The following ARB2A variants were observed in gnomAD, a reference collection of about 807,000 sequenced individuals.
ARB2A encodes the protein cotranscriptional regulator ARB2A.
the ARB2A span, among the ~76,000 whole-genome samples, chr5:93,993,475 G>T: frequency 6.6e-6 from 1 of 152,018 alleles, no homozygotes; most frequent in Non-Finnish European, 1.5e-5. Flanking sequence ...ACACATTTTT[G>T]TTGTTATTCT....
chr5:93,683,744 A>C, the ARB2A span: 3 of 1,602,466 alleles, frequency 1.9e-6, no homozygotes, highest in African/African-American at 1.3e-5. Flanking sequence ...CTTAGGTAGG[A>C]GAGAAGGCGG....
At chr5:93,866,676 A>G in the ARB2A span, among the ~76,000 whole-genome samples, 9 of 152,322 alleles carry the variant, frequency 5.9e-5, no homozygotes, top group South Asian at 1.9e-3. Flanking sequence ...ATGGTTCCAC[A>G]GGACCAACTG....
At chr5:93,805,027 G>A in the ARB2A span, 2 of 966,280 alleles carry the variant, frequency 2.1e-6, no homozygotes, top group Non-Finnish European at 2.5e-6. Flanking sequence ...TACATCTTTA[G>A]AGATTTTATG....
the ARB2A span, among the ~76,000 whole-genome samples, chr5:93,717,835 CTTTT>C: frequency 2.2e-5 from 3 of 136,298 alleles, no homozygotes; most frequent in Admixed American, 7.4e-5. Flanking sequence ...AATTCATATT[CTTTT>C]TTTTTTTTTT....
chr5:93,817,332 C>G, the ARB2A span, among the ~76,000 whole-genome samples: 2 of 151,966 alleles, frequency 1.3e-5, no homozygotes, highest in Admixed American at 1.3e-4. Flanking sequence ...TGAAAGAAGA[C>G]CTAAATAAAC....
chr5:93,976,560 T>C, the ARB2A span, among the ~76,000 whole-genome samples: 13 of 152,182 alleles, frequency 8.5e-5, 1 homozygote, highest in South Asian at 4.1e-4. Context: ...GTTCTCATGA[T>C]AGTGAGTGAA....
the ARB2A span, among the ~76,000 whole-genome samples, chr5:93,777,214 T>C: frequency 6.6e-6 from 1 of 150,992 alleles, no homozygotes; most frequent in Non-Finnish European, 1.5e-5. Context: ...TGCTAGATGA[T>C]GAGTTAGTGG....
the ARB2A span, among the ~76,000 whole-genome samples, chr5:93,893,692 CATT>C: frequency 2.6e-5 from 4 of 152,134 alleles, no homozygotes; most frequent in Non-Finnish European, 4.4e-5. Context: ...AGAAATATAA[CATT>C]ATGTCATATC....
the ARB2A span, among the ~76,000 whole-genome samples, chr5:93,928,662 A>G: frequency 2.0e-5 from 3 of 152,264 alleles, no homozygotes; most frequent in African/African-American, 7.2e-5. Context: ...ATCTACTTTA[A>G]ATTAGATCGT....
At chr5:93,655,119 CA>C in the ARB2A span, among the ~76,000 whole-genome samples, 9 of 152,234 alleles carry the variant, frequency 5.9e-5, no homozygotes, top group South Asian at 1.9e-3. Flanking sequence ...CATTTCACAC[CA>C]CTGTTCTTGA....
At chr5:93,884,722 T>C in the ARB2A span, among the ~76,000 whole-genome samples, 1 of 151,700 alleles carries the variant, frequency 6.6e-6, no homozygotes, top group South Asian at 2.1e-4. Flanking sequence ...TTAATAAATA[T>C]CTTTGTTGCA....
the ARB2A span, among the ~76,000 whole-genome samples, chr5:93,696,186 A>T: frequency 2.0e-5 from 3 of 152,080 alleles, no homozygotes; most frequent in Non-Finnish European, 4.4e-5. Context: ...AGGTATCTAT[A>T]AAAAAACCCA....
chr5:94,016,097 T>C, the ARB2A span, among the ~76,000 whole-genome samples: 1 of 152,150 alleles, frequency 6.6e-6, no homozygotes, highest in East Asian at 1.9e-4. Context: ...GAAAAAGATA[T>C]TCCATGCAAC....
chr5:93,794,631 C>G, the ARB2A span, among the ~76,000 whole-genome samples: 5 of 152,128 alleles, frequency 3.3e-5, no homozygotes, highest in Admixed American at 6.5e-5. Context: ...GGTGTTCTCC[C>G]GCTTCCCCTA....
the ARB2A span, among the ~76,000 whole-genome samples, chr5:93,791,648 A>AGG: frequency 1.3e-5 from 2 of 152,186 alleles, no homozygotes; most frequent in Admixed American, 1.3e-4. Context: ...TTGAAGCCCT[A>AGG]GCTTCAATTC....
chr5:93,810,873 T>C, the ARB2A span, among the ~76,000 whole-genome samples: 1 of 152,114 alleles, frequency 6.6e-6, no homozygotes, highest in East Asian at 1.9e-4. Flanking sequence ...TTAGGTAAGT[T>C]ACTTAATATT....
At chr5:94,069,985 T>C in the ARB2A span, among the ~76,000 whole-genome samples, 1 of 152,148 alleles carries the variant, frequency 6.6e-6, no homozygotes, top group Non-Finnish European at 1.5e-5. Context: ...ATAATTGCAT[T>C]GCATGTTTAT....
the ARB2A span, chr5:93,683,643 G>T: frequency 6.4e-7 from 1 of 1,564,450 alleles, no homozygotes; most frequent in Non-Finnish European, 8.8e-7. Context: ...CATCTTTGTC[G>T]GCCTTTAGTT....
chr5:93,961,355 T>C, the ARB2A span, among the ~76,000 whole-genome samples: 1 of 152,146 alleles, frequency 6.6e-6, no homozygotes, highest in African/African-American at 2.4e-5. Context: ...TTTTAAGCAA[T>C]GGAATACTGG....
Sources: gnomAD v4.1 joint callset for allele counts (sites outside exome capture counted in the v4.1 genomes callset) on GRCh38, gnomAD v4.1.1 for gene constraint, MANE v1.5 for transcripts, NCBI Gene and HGNC (gene_info 2026-07-23, HGNC 2026-07-21) for gene names.